Variants in SRGAP2 observed in about 807,000 individuals in gnomAD.
SRGAP2 encodes SLIT-ROBO Rho GTPase-activating protein 2.
In SRGAP2, 15 loss-of-function variants were observed where a neutral mutation model predicts 57.2. The ratio of observed to expected loss-of-function variants is 0.26; its 90% CI spans 0.18 to 0.40. SRGAP2 has a LOEUF of 0.40. SRGAP2 is among the 10% of genes least tolerant of loss of function. The probability of loss-of-function intolerance (pLI) is 1.00; values close to 1 mark genes in which losing one functional copy is unlikely to be tolerated. For missense variants in SRGAP2, 520 were observed against 669.6 expected, an observed-to-expected ratio of 0.78 and a Z score of 2.47; for synonymous variants, 249 against 248.0, an observed-to-expected ratio of 1.00 and a Z score of -0.04.
At chr1:206,460,867 C>A (rs1664205887) in intron 22 of SRGAP2, among the ~76,000 whole-genome samples, 170 bp from the exon 23 acceptor site, 1 of 152,144 alleles carries the variant, frequency 6.6e-6, no homozygotes, top group South Asian at 2.1e-4. Context: ...TCCCTCCGTC[C>A]CCCTTTCCCT....
At chr1:206,353,827 A>T (rs2102964397) in intron 4 of SRGAP2, among the ~76,000 whole-genome samples, 1 of 134,468 alleles carries the variant, frequency 7.4e-6, no homozygotes, top group East Asian at 2.1e-4. Flanking sequence ...TGAGATGGAG[A>T]CTCACTTTGT....
intron 4 of SRGAP2, among the ~76,000 whole-genome samples, chr1:206,373,897 T>C (rs1247119201): frequency 6.6e-6 from 1 of 151,426 alleles, no homozygotes; most frequent in African/African-American, 2.4e-5. Context: ...CCTGTCTCAG[T>C]GAATGATTAA....
At position 206,393,591 on chromosome 1, in the gene SRGAP2, G is replaced by T. The variant is rs2987928; in HGVS notation, c.749G>T (p.Arg250Leu). Residue 250 changes from arginine to leucine, a missense_variant, in exon 7 of 23, where the codon CGG (arginine) becomes CTG (leucine). By Grantham distance (102) the Arg-to-Leu change is moderately radical. Transcript: ENST00000573034. ...TENKLKAIKA[R>L]NEYLLALEAT... ...AATAAGCTGAAGGCCATCAAAGCCC[G>T]GAATGAGTACTTGCTGGCTTTGGAG... 1.3e-6 allele frequency: 1 copy of T among 777,252 alleles called. No individual in the cohort carries two copies. The highest frequency in any genetic ancestry group is 2.4e-5 in the East Asian group (1 of 41,158). 48.1% of individuals were successfully genotyped at this position (777,252 alleles called of 1,614,324 possible).
chr1:206,428,587 T>C (rs1553367192), intron 13 of SRGAP2, among the ~76,000 whole-genome samples: 2 of 152,172 alleles, frequency 1.3e-5, no homozygotes, highest in African/African-American at 4.8e-5. Flanking sequence ...TGGGTTTGAA[T>C]CCTGGTTTTG....
intron 7 of SRGAP2, among the ~76,000 whole-genome samples, chr1:206,398,899 AG>A (rs1173277656): frequency 1.3e-5 from 2 of 152,120 alleles, no homozygotes; most frequent in Non-Finnish European, 2.9e-5. Flanking sequence ...AACAGGTGAG[AG>A]GCATAGGAAA....
intron 2 of SRGAP2, among the ~76,000 whole-genome samples, chr1:206,284,484 C>CT (rs1342356376): frequency 6.7e-6 from 1 of 149,520 alleles, no homozygotes; most frequent in Non-Finnish European, 1.5e-5. Flanking sequence ...GAGTCTCACT[C>CT]TGTCGCCCAG....
At chr1:206,240,452 T>A (rs1339527888) in intron 2 of SRGAP2, among the ~76,000 whole-genome samples, 1 of 152,080 alleles carries the variant, frequency 6.6e-6, no homozygotes, top group Non-Finnish European at 1.5e-5. Context: ...GGCTGTAAAC[T>A]CATGGAGCTG....
At chr1:206,272,717 T>C (rs1436496716) in intron 2 of SRGAP2, among the ~76,000 whole-genome samples, 1 of 152,144 alleles carries the variant, frequency 6.6e-6, no homozygotes, top group Non-Finnish European at 1.5e-5. Context: ...CAGCAATTTT[T>C]TTCTTTAGTC....
At chr1:206,277,659 GT>G (rs1670489739) in intron 2 of SRGAP2, among the ~76,000 whole-genome samples, 1 of 149,376 alleles carries the variant, frequency 6.7e-6, no homozygotes, top group Non-Finnish European at 1.5e-5. Context: ...TTGCATTTCA[GT>G]TGTTTATCTA....
At chr1:206,313,793 G>A (rs1672848651) in intron 3 of SRGAP2, among the ~76,000 whole-genome samples, 2 of 151,446 alleles carry the variant, frequency 1.3e-5, no homozygotes, top group Non-Finnish European at 1.5e-5. Flanking sequence ...TCTAAATTAG[G>A]TTGGGATGGT....
At chr1:206,389,250 C>T (rs1553349525) in intron 5 of SRGAP2, among the ~76,000 whole-genome samples, 2 of 137,140 alleles carry the variant, frequency 1.5e-5, no homozygotes, top group African/African-American at 5.7e-5. Flanking sequence ...TCTCGGCTCA[C>T]TGCAAGCTCC....
chr1:206,389,832 T>A (rs1191528826), intron 5 of SRGAP2, among the ~76,000 whole-genome samples: 3 of 150,004 alleles, frequency 2.0e-5, no homozygotes, highest in African/African-American at 7.3e-5. Context: ...ACTTTTCAGT[T>A]TTTCCCCATA....
rs782501378 is a variant in SRGAP2, at chr1:206,203,805, C to A, written c.-543+155C>A. On this transcript the variant is annotated intron_variant, in intron 1 of 22. Coordinates refer to ENST00000573034, the MANE Select transcript of SRGAP2 (RefSeq NM_015326.5). The stretch of plus-strand genomic sequence containing the variant: ...CCCGGAATCCCTCAGACCGCCCCCC[C>A]TCCACCCTCTCCAAATCTCCCAGTA... 1.6e-5 allele frequency: 24 copies of A among 1,531,802 alleles called. No homozygotes were observed. In the East Asian group the frequency reaches 1.7e-4, roughly 11 times the overall value. 94.9% of individuals were successfully genotyped at this position (1,531,802 alleles called of 1,614,324 possible). A position where few individuals can be genotyped will look rare whatever the true frequency, so the allele number is the denominator to read the frequency against.
intron 4 of SRGAP2, among the ~76,000 whole-genome samples, chr1:206,346,350 C>T (rs1245105662): frequency 3.9e-5 from 6 of 152,250 alleles, no homozygotes; most frequent in Middle Eastern, 3.4e-3. Flanking sequence ...AGTTCTGTGA[C>T]GATAAGGGGA....
chr1:206,375,960 G>A (rs1294168746), intron 4 of SRGAP2, among the ~76,000 whole-genome samples: 2 of 149,964 alleles, frequency 1.3e-5, no homozygotes, highest in East Asian at 3.9e-4. Flanking sequence ...CTGTCCTAGA[G>A]GAGAGAGGTC....
At chr1:206,325,604 C>A (rs1407593532) in intron 3 of SRGAP2, among the ~76,000 whole-genome samples, 2 of 150,392 alleles carry the variant, frequency 1.3e-5, no homozygotes, top group Non-Finnish European at 2.9e-5. Context: ...CTCAGCCTCC[C>A]AAAGTGCTGG....
intron 2 of SRGAP2, among the ~76,000 whole-genome samples, chr1:206,301,330 T>G (rs1671861650): frequency 6.6e-6 from 1 of 152,046 alleles, no homozygotes; most frequent in African/African-American, 2.4e-5. Context: ...CCACCGCGCC[T>G]GGCACTTGGT....
At chr1:206,309,080 C>T (rs1325715565) in intron 3 of SRGAP2, among the ~76,000 whole-genome samples, 3 of 141,888 alleles carry the variant, frequency 2.1e-5, no homozygotes, top group South Asian at 4.6e-4. Context: ...GTGGGAAGAT[C>T]GCTTCACTCC....
At chr1:206,346,464 G>T (rs1319048455) in intron 4 of SRGAP2, among the ~76,000 whole-genome samples, 10 of 152,232 alleles carry the variant, frequency 6.6e-5, no homozygotes, top group African/African-American at 2.4e-4. Context: ...GGATATAGGT[G>T]TGGAGAGGGC....
Sources: gnomAD v4.1 joint callset for allele counts (sites outside exome capture counted in the v4.1 genomes callset) on GRCh38, gnomAD v4.1.1 for gene constraint, MANE v1.5 for transcripts, NCBI Gene and HGNC (gene_info 2026-07-23, HGNC 2026-07-21) for gene names.